Variants in ZFHX3 observed in about 807,000 individuals in gnomAD.
ZFHX3 encodes the protein zinc finger homeobox 3.
In ZFHX3, 42 loss-of-function variants were observed where a neutral mutation model predicts 279.1. The ratio of observed to expected loss-of-function variants is 0.15; its 90% CI spans 0.12 to 0.19. The LOEUF (loss-of-function observed/expected upper bound fraction) is 0.19. Among genes scored for constraint, ZFHX3 ranks in the 10% least tolerant of loss-of-function variants. The probability of loss-of-function intolerance (pLI) is 1.00; values close to 1 mark genes in which losing one functional copy is unlikely to be tolerated. For missense variants in ZFHX3, 4,981 were observed against 4,754.0 expected (o/e 1.05, Z -1.40); for synonymous variants, 2,293 against 1,957.8 (o/e 1.17, Z -4.52).
At chr16:73,408,114 T>C (rs1237736123) in intron 3 of ZFHX3, among the ~76,000 whole-genome samples, 2 of 151,292 alleles carry the variant, frequency 1.3e-5, no homozygotes, top group Non-Finnish European at 3.0e-5. Context: ...AACTTGTTTT[T>C]TTTTTTTTGC....
At chr16:72,845,016 G>A (rs950911737) in intron 4 of ZFHX3, among the ~76,000 whole-genome samples, 4 of 152,216 alleles carry the variant, frequency 2.6e-5, no homozygotes, top group Non-Finnish European at 5.9e-5. Flanking sequence ...TGGAATGAAT[G>A]AGAGAATGAA....
intron 3 of ZFHX3, among the ~76,000 whole-genome samples, chr16:73,319,764 A>T (rs2015535841): frequency 6.6e-6 from 1 of 152,180 alleles, no homozygotes; most frequent in South Asian, 2.1e-4. Flanking sequence ...GAAAAAGCAG[A>T]CTGAATCTTC....
chr16:73,433,054 C>A (rs1597333658), intron 3 of ZFHX3, among the ~76,000 whole-genome samples: 4 of 152,196 alleles, frequency 2.6e-5, no homozygotes, highest in African/African-American at 9.6e-5. Flanking sequence ...GTCCTAAGAG[C>A]CCTGCTGTGT....
intron 4 of ZFHX3, among the ~76,000 whole-genome samples, chr16:72,849,990 G>A (rs2037575327): frequency 6.7e-6 from 1 of 149,884 alleles, no homozygotes; most frequent in Non-Finnish European, 1.5e-5. Flanking sequence ...GGGGACATAA[G>A]CTGAAAGAAA....
chr16:73,332,615 G>T (rs1384498296), intron 3 of ZFHX3, among the ~76,000 whole-genome samples: 1 of 152,210 alleles, frequency 6.6e-6, no homozygotes, highest in East Asian at 1.9e-4. Flanking sequence ...TAAATCCTTT[G>T]CTGGCATGTA....
chr16:73,177,387 T>C (rs755198061), intron 5 of ZFHX3, among the ~76,000 whole-genome samples: 1 of 152,228 alleles, frequency 6.6e-6, no homozygotes, highest in Non-Finnish European at 1.5e-5. Context: ...AATACTAATG[T>C]TAAAGGGGAA....
At chr16:73,285,427 C>A (rs568232854) in intron 4 of ZFHX3, among the ~76,000 whole-genome samples, 5 of 152,304 alleles carry the variant, frequency 3.3e-5, no homozygotes, top group Admixed American at 6.5e-5. Flanking sequence ...CAAAGGGTGT[C>A]GTCAGCTGAC....
chr16:72,921,749 C>A (rs982909732), intron 3 of ZFHX3, among the ~76,000 whole-genome samples: 1 of 152,206 alleles, frequency 6.6e-6, no homozygotes, highest in African/African-American at 2.4e-5. Context: ...CGGCGCCCAG[C>A]GTGCTGCATG....
intron 2 of ZFHX3, among the ~76,000 whole-genome samples, chr16:73,532,231 C>T (rs1170578403): frequency 1.3e-5 from 2 of 151,962 alleles, no homozygotes; most frequent in East Asian, 1.9e-4. Context: ...ATAATTGAAT[C>T]ATGGGGGTGG....
At chr16:73,194,751 G>T (rs972550579) in intron 5 of ZFHX3, among the ~76,000 whole-genome samples, 1 of 152,146 alleles carries the variant, frequency 6.6e-6, no homozygotes, top group Admixed American at 6.5e-5. Context: ...GAGAATCCTG[G>T]AGAAACTTTC....
intron 1 of ZFHX3, among the ~76,000 whole-genome samples, chr16:73,719,089 A>G (rs1396381215): frequency 6.6e-6 from 1 of 152,168 alleles, no homozygotes; most frequent in Non-Finnish European, 1.5e-5. Context: ...CTGGATTCAA[A>G]TCTCCCTGTG....
At chr16:72,854,657 T>C (rs1248232786) in intron 4 of ZFHX3, among the ~76,000 whole-genome samples, 3 of 152,050 alleles carry the variant, frequency 2.0e-5, no homozygotes, top group African/African-American at 7.2e-5. Context: ...AAAAATGTAT[T>C]TTATAGCAAG....
chr16:73,890,736 G>A (rs561719929), intron 1 of ZFHX3, among the ~76,000 whole-genome samples: 2 of 152,262 alleles, frequency 1.3e-5, no homozygotes, highest in Non-Finnish European at 2.9e-5. Flanking sequence ...CAAACGTGGA[G>A]CCGTGTTAAA....
Position 73,587,969 on chromosome 16 carries a change from T to C in ZFHX3, c.-1547+92211A>G, listed in dbSNP as rs138932865. Among the ~76,000 whole-genome samples the C allele has an allele frequency of 3.7e-3, 563 of 152,304 alleles. 1 individual carries two copies. The highest frequency in any genetic ancestry group is 6.8e-3 in the Non-Finnish European group (465 of 68,026). On this transcript the variant is annotated intron_variant, in intron 2 of 17. Transcript: ENST00000641206. The stretch of plus-strand genomic sequence containing the variant: ...AATATATATTATTTTCAAGTACTTA[T>C]GGAACATTTACAAAAATGGGGCACA...
At chr16:73,822,598 A>C (rs1208277698) in intron 1 of ZFHX3, among the ~76,000 whole-genome samples, 1 of 152,114 alleles carries the variant, frequency 6.6e-6, no homozygotes, top group Non-Finnish European at 1.5e-5. Flanking sequence ...TCTGCTCGGC[A>C]TAGATACTGA....
chr16:72,786,309 C>G lies in ZFHX3; in HGVS notation c.*855G>C, dbSNP rs188602625. ...TTCATTTCCAATGCAACAATCTACT[C>G]AACACCAAAAATGGTCATATCTATC... On this transcript the variant is annotated 3_prime_UTR_variant, in exon 10 of 10. Transcript: ENST00000268489. 1 of 150,762 alleles carries G rather than the reference C, an allele frequency of 6.6e-6. No homozygotes were observed. The highest frequency in any genetic ancestry group is 6.6e-5 in the Admixed American group (1 of 15,152). 9.3% of individuals were successfully genotyped at this position (150,762 alleles called of 1,614,324 possible).
rs542370949 is a variant in ZFHX3, at chr16:73,479,239, A to G, written c.-1546-22981T>C. ...TGTTGCTAATGACTGGGGAGCTGCC[A>G]TATTTATTCATTACCAACCTCCAGA... On this transcript the variant is annotated intron_variant, in intron 2 of 17. Coordinates refer to the ZFHX3 transcript ENST00000641206. Among the ~76,000 whole-genome samples the G allele has an allele frequency of 2.3e-3, 346 of 152,268 alleles. 3 individuals carry two copies. Among genetic ancestry groups the G allele is most frequent in the African/African-American group, 7.7e-3 (322 of 41,552 alleles).
chr16:73,006,694 AAAGG>A (rs1963714785), intron 1 of ZFHX3, among the ~76,000 whole-genome samples: 2 of 151,828 alleles, frequency 1.3e-5, no homozygotes, highest in Non-Finnish European at 2.9e-5. Flanking sequence ...GAAAGGAAGG[AAAGG>A]AAGGAAGGTG....
chr16:72,938,287 C>G (rs1221530790), intron 3 of ZFHX3, among the ~76,000 whole-genome samples: 3 of 152,278 alleles, frequency 2.0e-5, no homozygotes, highest in Non-Finnish European at 4.4e-5. Context: ...CCGTGCCCAT[C>G]TCAGCAACGC....
Sources: gnomAD v4.1 joint callset for allele counts (sites outside exome capture counted in the v4.1 genomes callset) on GRCh38, gnomAD v4.1.1 for gene constraint, MANE v1.5 for transcripts, NCBI Gene and HGNC (gene_info 2026-07-23, HGNC 2026-07-21) for gene names.